The following MTM1 variants were observed in gnomAD, a reference collection of about 807,000 sequenced individuals.
MTM1 encodes myotubularin.
MTM1 carries 9 observed loss-of-function variants against 52.1 expected under a neutral mutation model. The observed-to-expected ratio is 0.17, with a 90% CI of 0.10 to 0.30. The LOEUF is 0.30. Ranked by LOEUF, MTM1 falls within the 10% of genes least tolerant of loss-of-function variation. MTM1 has a pLI of 1.00. For missense variants in MTM1, 277 were observed against 470.7 expected, an observed-to-expected ratio of 0.59 and a Z score of 3.81; for synonymous variants, 136 against 163.8, an observed-to-expected ratio of 0.83 and a Z score of 1.29.
chrX:150,575,595 A>T (rs2038458190), intron 1 of MTM1, among the ~76,000 whole-genome samples: 1 of 111,711 alleles, frequency 9.0e-6, no homozygotes, highest in South Asian at 3.8e-4. Flanking sequence ...AAGCCACATC[A>T]TAATCACCTG....
At chrX:150,647,177 A>T (rs1347728083) in intron 9 of MTM1, among the ~76,000 whole-genome samples, 32 of 93,415 alleles carry the variant, frequency 3.4e-4, no homozygotes, top group African/African-American at 1.2e-3. Flanking sequence ...ATTATCTTTC[A>T]TATATATTTC....
intron 14 of MTM1, 109 bp from the exon 15 acceptor site, chrX:150,671,319 G>T: frequency 1.1e-6 from 1 of 903,110 alleles, no homozygotes. Flanking sequence ...GGTAAACTTT[G>T]AGTAAAGGGC....
rs186415502 is a variant in MTM1, at chrX:150,671,927, A to G, written c.*332A>G. On this transcript the variant is annotated 3_prime_UTR_variant, in exon 15 of 15. Coordinates refer to ENST00000370396, the MANE Select transcript of MTM1 (RefSeq NM_000252.3). Reference sequence around the variant, plus strand: ...ATTTTGTGGGCTTAATTGAAACAACATTATTTTAAAATCAAAGGGGATATA... The same window carrying G: ...ATTTTGTGGGCTTAATTGAAACAACGTTATTTTAAAATCAAAGGGGATATA... The G allele has an allele frequency of 5.6e-4, 131 of 232,103 alleles. No individual in the cohort carries two copies. In the East Asian group the frequency reaches 0.013, roughly 23 times the overall value. 19.1% of individuals were successfully genotyped at this position (232,103 alleles called of 1,213,427 possible).
At chrX:150,635,149 A>G (rs2039734226) in intron 6 of MTM1, among the ~76,000 whole-genome samples, 1 of 112,342 alleles carries the variant, frequency 8.9e-6, no homozygotes, top group African/African-American at 3.2e-5. Flanking sequence ...TGAAGCATCT[A>G]CTGAAAGGTG....
At chrX:150,664,841 T>C (rs954081472) in intron 14 of MTM1, among the ~76,000 whole-genome samples, 2 of 112,499 alleles carry the variant, frequency 1.8e-5, no homozygotes, top group East Asian at 2.8e-4. Context: ...TTTTAAAATA[T>C]TGGCAATGAG....
upstream of MTM1, among the ~76,000 whole-genome samples, chrX:150,564,787 G>A (rs1391052558): frequency 8.9e-6 from 1 of 111,829 alleles, no homozygotes; most frequent in African/African-American, 3.3e-5. Flanking sequence ...AGTATTGCTC[G>A]GCCATATGTA....
intron 6 of MTM1, among the ~76,000 whole-genome samples, chrX:150,630,209 C>T (rs2039643072): frequency 8.9e-6 from 1 of 111,827 alleles, no homozygotes; most frequent in Non-Finnish European, 1.9e-5. Context: ...TTTCGTGCCT[C>T]AGCCTCCCAA....
In MTM1 at chrX:150,645,781, A is replaced by G; in HGVS notation, c.777A>G (p.Lys259=). The stretch of plus-strand genomic sequence containing the variant: ...GGAAACGAAATAAAGATGATGAGAA[A>G]TATCTCGATGTTATCAGGGAGACTA... ...MSGKRNKDDE[K]YLDVIRETNK... Residue 259 remains lysine (K), a synonymous_variant, in exon 9 of 15, where the codon AAA becomes AAG. Transcript: ENST00000370396. 1 of 1,210,046 alleles carries G rather than the reference A, an allele frequency of 8.3e-7. No individual in the cohort carries two copies. The highest frequency in any genetic ancestry group is 1.1e-6 in the Non-Finnish European group (1 of 893,943).
chrX:150,658,650 A>G (rs1199490504), intron 11 of MTM1, among the ~76,000 whole-genome samples: 1 of 111,219 alleles, frequency 9.0e-6, no homozygotes, highest in African/African-American at 3.3e-5. Flanking sequence ...GAACATACTA[A>G]AATTCATATT....
intron 1 of MTM1, among the ~76,000 whole-genome samples, chrX:150,576,969 G>A (rs781812180): frequency 1.8e-5 from 2 of 112,291 alleles, no homozygotes; most frequent in South Asian, 7.2e-4. Flanking sequence ...TATTTTCTGG[G>A]TATTTTCAAA....
chrX:150,632,347 G>A (rs2039684653), intron 6 of MTM1, among the ~76,000 whole-genome samples: 1 of 111,908 alleles, frequency 8.9e-6, no homozygotes, highest in Admixed American at 9.5e-5. Context: ...ATGCAGTTTG[G>A]TGTCCGGGAG....
chrX:150,586,478 G>A (rs888108542), intron 1 of MTM1, among the ~76,000 whole-genome samples: 1 of 111,521 alleles, frequency 9.0e-6, no homozygotes, highest in African/African-American at 3.3e-5. Flanking sequence ...GTAAACTACT[G>A]TAAGGCTGAT....
In MTM1 at chrX:150,625,911, C is replaced by T. The variant is rs782370551; in HGVS notation, c.444+6772C>T. 4.4e-5 allele frequency among the ~76,000 whole-genome samples: 5 copies of T among 112,650 alleles called. No individual in the cohort carries two copies. The East Asian group carries it at 1.4e-3, about 32-fold the overall frequency. On this transcript the variant is annotated intron_variant, in intron 6 of 14. Coordinates refer to ENST00000370396, the MANE Select transcript of MTM1 (RefSeq NM_000252.3). ...GGAGAGAAGCAGCTGGGTTGCACAG[C>T]CTTTGCTGTGGAGACCAGCAGCCTT...
intron 9 of MTM1, among the ~76,000 whole-genome samples, chrX:150,647,493 C>A (rs2039954549): frequency 1.8e-5 from 2 of 111,334 alleles, no homozygotes; most frequent in South Asian, 7.5e-4. Context: ...TCACTTGTTT[C>A]TCCCTTCCTC....
At chrX:150,616,116 T>G (rs1367272799) in intron 5 of MTM1, among the ~76,000 whole-genome samples, 1 of 111,654 alleles carries the variant, frequency 9.0e-6, no homozygotes, top group Non-Finnish European at 1.9e-5. Flanking sequence ...AAACTTGTAC[T>G]TAAATATCAA....
rs1557415170 is a variant in MTM1 at position 150,672,149 on chromosome X, T to G, written c.*554T>G. ...GTGGTGACTTAAGGAGAAATAGCTG[T>G]ATAGATGAGTTTTTCATTATTTGGA... On this transcript the variant is annotated 3_prime_UTR_variant, in exon 15 of 15. Coordinates refer to ENST00000370396, the MANE Select transcript of MTM1 (RefSeq NM_000252.3). 1 of 112,153 alleles carries G rather than the reference T, an allele frequency of 8.9e-6. No homozygotes were observed. Among genetic ancestry groups the G allele is most frequent in the Non-Finnish European group, 1.9e-5 (1 of 53,232 alleles). The allele number at this position is 112,153 out of a possible 1,213,427, so 9.2% of individuals were successfully genotyped here. A position where few individuals can be genotyped will look rare whatever the true frequency, so the allele number is the denominator to read the frequency against.
At chrX:150,661,824 C>A (rs1488961035) in intron 13 of MTM1, among the ~76,000 whole-genome samples, 1 of 111,009 alleles carries the variant, frequency 9.0e-6, no homozygotes, top group African/African-American at 3.3e-5. Context: ...AGATACAAAC[C>A]TTCAGTTATA....
At chrX:150,612,364 T>C (rs782800458) in intron 4 of MTM1, among the ~76,000 whole-genome samples, 9 of 111,771 alleles carry the variant, frequency 8.1e-5, no homozygotes, top group Non-Finnish European at 1.7e-4. Context: ...TGCATTTATA[T>C]TTTATGAATA....
At chrX:150,599,870 G>C (rs2039040051) in intron 4 of MTM1, among the ~76,000 whole-genome samples, 1 of 112,228 alleles carries the variant, frequency 8.9e-6, no homozygotes, top group African/African-American at 3.2e-5. Context: ...AGAAGATTCT[G>C]AAAATTAACA....
Sources: gnomAD v4.1 joint callset for allele counts (sites outside exome capture counted in the v4.1 genomes callset) on GRCh38, gnomAD v4.1.1 for gene constraint, MANE v1.5 for transcripts, NCBI Gene and HGNC (gene_info 2026-07-23, HGNC 2026-07-21) for gene names.